Variants in SLC38A8 observed in about 807,000 individuals in gnomAD.
SLC38A8 encodes amino acid transporter SLC38A8.
In SLC38A8, 65 loss-of-function variants were observed where a neutral mutation model predicts 46.0. The observed-to-expected ratio is 1.41, with a 90% CI of 1.16 to 1.74. The LOEUF is 1.74. Among genes scored for constraint, SLC38A8 ranks in the 40% most tolerant of loss-of-function variants. The probability of loss-of-function intolerance (pLI) is 0.00; values close to 1 mark genes in which losing one functional copy is unlikely to be tolerated. For synonymous variants in SLC38A8, 447 were observed against 243.7 expected, an observed-to-expected ratio of 1.83 and a Z score of -7.77; for missense variants, 998 against 567.9, an observed-to-expected ratio of 1.76 and a Z score of -7.70.
chr16:84,036,478 C>T (rs1356164832), intron 3 of SLC38A8, among the ~76,000 whole-genome samples: 1 of 152,254 alleles, frequency 6.6e-6, no homozygotes, highest in Non-Finnish European at 1.5e-5. Flanking sequence ...TAATTGCAGC[C>T]ACAACCTCTC....
intron 10 of SLC38A8, among the ~76,000 whole-genome samples, chr16:84,010,134 G>C (rs897587668): frequency 1.4e-5 from 2 of 141,802 alleles, no homozygotes; most frequent in African/African-American, 2.7e-5. Context: ...GCAGTGGCAC[G>C]ATCTCGGCTC....
At chr16:84,012,335 C>G (rs17724308) in intron 10 of SLC38A8, among the ~76,000 whole-genome samples, 6,806 of 152,314 alleles carry the variant, frequency 0.045, 203 homozygotes, top group South Asian at 0.1. Flanking sequence ...AGTACAGAGG[C>G]TCAGTCGTGT....
chr16:84,040,463 G>C (rs2085355234), intron 2 of SLC38A8, among the ~76,000 whole-genome samples: 1 of 152,214 alleles, frequency 6.6e-6, no homozygotes, highest in South Asian at 2.1e-4. Context: ...CTGCATTTCA[G>C]CAAGATCTGT....
rs369682022 is a variant in SLC38A8, at chr16:84,013,360, T to C, written c.1163-308A>G. On this transcript the variant is annotated intron_variant, in intron 9 of 10. Coordinates refer to ENST00000299709, the MANE Select transcript of SLC38A8 (RefSeq NM_001080442.3). ...TCTATGAGGAGATGGTGAGAGTCCA[T>C]GCCTGACACCCGGGAAGTGCTCGGC... 2.6e-5 allele frequency among the ~76,000 whole-genome samples: 4 copies of C among 151,358 alleles called. No homozygotes were observed. The East Asian group carries it at 5.8e-4, about 22-fold the overall frequency.
chr16:84,012,162 T>A (rs977799318), intron 10 of SLC38A8, among the ~76,000 whole-genome samples: 21 of 152,226 alleles, frequency 1.4e-4, no homozygotes, highest in Non-Finnish European at 2.9e-5. Context: ...CCCATAAAAC[T>A]AATACATCAT....
At chr16:84,038,453 C>A (rs1237207649) in intron 2 of SLC38A8, among the ~76,000 whole-genome samples, 1 of 152,202 alleles carries the variant, frequency 6.6e-6, no homozygotes, top group African/African-American at 2.4e-5. Context: ...TCTGTGAGGC[C>A]ATCCATCCAT....
chr16:84,039,033 G>A (rs960026312), intron 2 of SLC38A8, among the ~76,000 whole-genome samples: 3 of 152,168 alleles, frequency 2.0e-5, no homozygotes, highest in African/African-American at 7.2e-5. Context: ...GGATCTTGAG[G>A]TGAGGTCATC....
intron 5 of SLC38A8, among the ~76,000 whole-genome samples, chr16:84,029,860 C>A (rs1262046151): frequency 6.6e-6 from 1 of 152,172 alleles, no homozygotes; most frequent in African/African-American, 2.4e-5. Context: ...GCTCCCAGTG[C>A]GGTTTGGTAA....
chr16:84,026,552 G>C (rs2085166802), intron 6 of SLC38A8, among the ~76,000 whole-genome samples: 1 of 152,206 alleles, frequency 6.6e-6, no homozygotes, highest in Admixed American at 6.5e-5. Flanking sequence ...AGGGGAAGCA[G>C]AGCAGGCCTG....
rs768065861 is a variant in SLC38A8, at chr16:84,017,136, T to TCA, written c.953+2_953+3dup. 6.2e-7 allele frequency: 1 copy of TCA among 1,613,880 alleles called. No individual in the cohort carries two copies. Among genetic ancestry groups the TCA allele is most frequent in the South Asian group, 1.1e-5 (1 of 91,058 alleles). ...ACGGTGCCCCCCACTGAGCCAGGCC[T>TCA]CACCTCCCCAGGAAGAGCACGATGG... On this transcript the variant is annotated splice_donor_region_variant and intron_variant, in intron 8 of 10. Transcript: ENST00000299709.
At chr16:84,010,252 G>T (rs894193931) in intron 10 of SLC38A8, among the ~76,000 whole-genome samples, 11 of 151,982 alleles carry the variant, frequency 7.2e-5, no homozygotes, top group African/African-American at 2.4e-4. Context: ...TGTATTTTTA[G>T]TAGAGATGGA....
In SLC38A8 at chr16:84,031,891, A is replaced by C. The variant is rs1295855627; in HGVS notation, c.608T>G (p.Val203Gly). ...CCTCAGTGAAGGATGGGACTCACGC[A>C]CGAGGCCCTGGGGCCAGAGGTAGTA... ...VQYYLWPQGL[V>G]RESHPSLSPA... Residue 203 changes from valine to glycine, a missense_variant, in exon 5 of 11, where the codon GTG becomes GGG. By Grantham distance (109) the Val-to-Gly change is moderately radical. Coordinates refer to ENST00000299709, the MANE Select transcript of SLC38A8 (RefSeq NM_001080442.3). 2 of 1,614,108 alleles carry C rather than the reference A, an allele frequency of 1.2e-6. No homozygotes were observed. The highest frequency in any genetic ancestry group is 2.2e-5 in the South Asian group (2 of 91,086).
intron 2 of SLC38A8, among the ~76,000 whole-genome samples, chr16:84,038,768 A>C (rs2085331652): frequency 6.6e-6 from 1 of 151,908 alleles, no homozygotes; most frequent in Admixed American, 6.6e-5. Flanking sequence ...AGTATTTTCC[A>C]CCTTTACGTA....
At chr16:84,028,011 T>C (rs1307548959) in intron 6 of SLC38A8, among the ~76,000 whole-genome samples, 4 of 151,738 alleles carry the variant, frequency 2.6e-5, no homozygotes, top group Non-Finnish European at 5.9e-5. Context: ...GCACGCCGAC[T>C]GATTACGAGG....
In SLC38A8 at chr16:84,013,011, G is replaced by A. The variant is rs775276596; in HGVS notation, c.1204C>T (p.Pro402Ser). 32 of 1,613,994 alleles carry A rather than the reference G, an allele frequency of 2.0e-5. No individual in the cohort carries two copies. The highest frequency in any genetic ancestry group is 9.9e-5 in the South Asian group (9 of 91,086). The change falls in exon 10 of 11, where the codon CCA (proline) becomes TCA (serine). Residue 402 changes from proline (P) to serine (S), a missense_variant. Coordinates refer to ENST00000299709, the MANE Select transcript of SLC38A8 (RefSeq NM_001080442.3). ...CTTAGGGACACTTACTTGACTCTTG[G>A]TCCTATAGGCTCGACACCCATTGCA... ...ICAMGVEPIG[P>S]RVKCCLEVWG...
At chr16:84,035,044 C>A (rs1464981240) in intron 3 of SLC38A8, among the ~76,000 whole-genome samples, 1 of 152,218 alleles carries the variant, frequency 6.6e-6, no homozygotes, top group African/African-American at 2.4e-5. Context: ...CCCCAAATAT[C>A]TAACCAGATA....
At chr16:84,030,492 T>C (rs1241323670) in intron 5 of SLC38A8, among the ~76,000 whole-genome samples, 1 of 151,908 alleles carries the variant, frequency 6.6e-6, no homozygotes, top group Non-Finnish European at 1.5e-5. Flanking sequence ...CTCTCTGAAC[T>C]TCAGACACAC....
Position 84,034,076 on chromosome 16 carries a change from C to G in SLC38A8, c.389-607G>C, listed in dbSNP as rs530267788. ...GCAGTGGGGCTGGTCTGGAGGAACC[C>G]TGATGGCTCCCCACAACACCTACTG... On this transcript the variant is annotated intron_variant, in intron 3 of 10. Coordinates refer to ENST00000299709, the MANE Select transcript of SLC38A8 (RefSeq NM_001080442.3). Among the ~76,000 whole-genome samples, 86 of 152,316 alleles carry G rather than the reference C, an allele frequency of 5.6e-4. 1 individual carries two copies. The highest frequency in any genetic ancestry group is 3.4e-3 in the Middle Eastern group (1 of 294).
chr16:84,015,677 T>C (rs753931152), intron 9 of SLC38A8, among the ~76,000 whole-genome samples: 1 of 152,110 alleles, frequency 6.6e-6, no homozygotes, highest in African/African-American at 2.4e-5. Context: ...GCTCTCATGC[T>C]GCTAATAAAG....
Sources: allele counts gnomAD v4.1 joint callset (sites outside exome capture counted in the v4.1 genomes callset), GRCh38; gene constraint gnomAD v4.1.1; transcripts MANE v1.5; gene names NCBI Gene and HGNC (gene_info 2026-07-23, HGNC 2026-07-21).